The following MRC2 variants were observed in gnomAD, a reference collection of about 807,000 sequenced individuals.
MRC2 encodes C-type mannose receptor 2.
In MRC2, 84 loss-of-function variants were observed where a neutral mutation model predicts 206.2. The ratio of observed to expected loss-of-function variants is 0.41; its 90% CI spans 0.34 to 0.49. The LOEUF (loss-of-function observed/expected upper bound fraction) is 0.49, where lower values mean the gene tolerates loss of function less well. Ranked by LOEUF, MRC2 falls within the 20% of genes least tolerant of loss-of-function variation. The pLI is 0.31. For synonymous variants in MRC2, 798 were observed against 800.0 expected, an observed-to-expected ratio of 1.00 and a Z score of 0.04; for missense variants, 1,676 against 2,001.5, an observed-to-expected ratio of 0.84 and a Z score of 3.10.
chr17:62,689,313 T>G (rs892619587), intron 23 of MRC2: 4 of 579,266 alleles, frequency 6.9e-6, no homozygotes, highest in Non-Finnish European at 1.2e-5. Flanking sequence ...TAGGAGGAGG[T>G]CAAGGCCCTC....
In MRC2 at chr17:62,652,620, G is replaced by C. The variant is rs2088569147; in HGVS notation, c.119-11928G>C. ...GCTGCGGGCTAGCAGACGGCGCCAG[G>C]GGCAGCGGCCACGCAGACCGGGCAT... On this transcript the variant is annotated intron_variant, in intron 1 of 29. Coordinates refer to ENST00000303375, the MANE Select transcript of MRC2 (RefSeq NM_006039.5). The surrounding 1 kb of genome is among the most constrained non-coding windows in gnomAD (Gnocchi z 4.6). Among the ~76,000 whole-genome samples, 1 of 152,196 alleles carries C rather than the reference G, an allele frequency of 6.6e-6. No homozygotes were observed. Among genetic ancestry groups the C allele is most frequent in the Non-Finnish European group, 1.5e-5 (1 of 68,038 alleles).
rs566277077 is a variant in MRC2 at position 62,667,329 on chromosome 17, C to T, written c.974-61C>T. The T allele has an allele frequency of 5.3e-6, 8 of 1,520,376 alleles. No individual in the cohort carries two copies. The South Asian group carries it at 7.9e-5, about 15-fold the overall frequency. 94.2% of individuals were successfully genotyped at this position (1,520,376 alleles called of 1,614,324 possible). ...GGAGGTAGGAGGTTCTGAGCAGGGC[C>T]CCGGGAGCCACGGTGTGAGCTTCTC... On this transcript the variant is annotated intron_variant, in intron 5 of 29. Transcript: ENST00000303375. The surrounding 1 kb of genome is among the most constrained non-coding windows in gnomAD (Gnocchi z 4.1).
chr17:62,690,503 T>TGC, intron 26 of MRC2, 139 bp from the exon 27 acceptor site: 2 of 1,396,710 alleles, frequency 1.4e-6, no homozygotes, highest in Non-Finnish European at 1.9e-6. Context: ...CTTGCACATG[T>TGC]GCACACACAC....
chr17:62,677,478 T>C lies in MRC2; in HGVS notation c.2044T>C (p.Cys682Arg). The change falls in exon 12 of 30, where the codon TGC (cysteine) becomes CGC (arginine). Residue 682 changes from cysteine to arginine, a missense_variant. Around this residue, in one of 3 missense-constraint regions of MRC2, gnomAD observed 1,354 missense variants for 1,636.6 expected, o/e 0.83. Coordinates refer to ENST00000303375, the MANE Select transcript of MRC2 (RefSeq NM_006039.5). Reference sequence around the variant, plus strand: ...GGCCTCGGACACCAAACTCCGGTATTGCTATAAGGTAGGGCAGCCTGTTGG... The same window carrying C: ...GGCCTCGGACACCAAACTCCGGTATCGCTATAAGGTAGGGCAGCCTGTTGG... ...GWASDTKLRY[C>R]YKVFSSERLQ... 1 of 1,597,996 alleles carries C rather than the reference T, an allele frequency of 6.3e-7. No individual in the cohort carries two copies. Among genetic ancestry groups the C allele is most frequent in the Non-Finnish European group, 8.6e-7 (1 of 1,169,106 alleles).
At chr17:62,638,366 G>A (rs1161855282) in intron 1 of MRC2, among the ~76,000 whole-genome samples, 1 of 152,036 alleles carries the variant, frequency 6.6e-6, no homozygotes, top group Non-Finnish European at 1.5e-5. Flanking sequence ...TCCAGAAGTG[G>A]ATTTAAACTG....
chr17:62,668,527 T>C (rs2088786472), intron 6 of MRC2, among the ~76,000 whole-genome samples: 1 of 152,068 alleles, frequency 6.6e-6, no homozygotes, highest in South Asian at 2.1e-4. Flanking sequence ...TTGTTAGAAA[T>C]GCACAGTCAG....
At chr17:62,673,591 C>G (rs932950640) in intron 8 of MRC2, among the ~76,000 whole-genome samples, 1 of 151,134 alleles carries the variant, frequency 6.6e-6, no homozygotes, top group Non-Finnish European at 1.5e-5. Flanking sequence ...TCACTGGAAC[C>G]TCTGCCTCCC....
At chr17:62,645,519 ATATATATATTTTTTTTTTTT>A (rs1488879463) in intron 1 of MRC2, among the ~76,000 whole-genome samples, 1 of 66,124 alleles carries the variant, frequency 1.5e-5, no homozygotes, top group Non-Finnish European at 3.0e-5. Flanking sequence ...ATATATATAT[ATATATATATTTTTTTTTTTT>A]TTTTTTTTTT....
At position 62,675,685 on chromosome 17, in the gene MRC2, C is replaced by T. The variant is rs566603671; in HGVS notation, c.1570-105C>T. The T allele has an allele frequency of 1.8e-5, 16 of 881,030 alleles. No individual in the cohort carries two copies. The highest frequency in any genetic ancestry group is 2.2e-4 in the Middle Eastern group (1 of 4,518). 54.6% of individuals were successfully genotyped at this position (881,030 alleles called of 1,614,324 possible). A position where few individuals can be genotyped will look rare whatever the true frequency, so the allele number is the denominator to read the frequency against. On this transcript the variant is annotated intron_variant, in intron 9 of 29. Transcript: ENST00000303375. The surrounding 1 kb of genome is among the most constrained non-coding windows in gnomAD (Gnocchi z 4.1). ...AAACCAGTCCCCTCCGTCCTGAGCA[C>T]GTTCAGTGATGTCCCTGATGGCATC...
Position 62,627,682 on chromosome 17 carries a change from C to T in MRC2, c.-121C>T. Reference sequence around the variant, plus strand: ...CTCCCCGGGAGGCATCACTTCGTCCCGACCCGGAGGAGGACGCGAGCCCCT... The same window carrying T: ...CTCCCCGGGAGGCATCACTTCGTCCTGACCCGGAGGAGGACGCGAGCCCCT... On this transcript the variant is annotated 5_prime_UTR_variant, in exon 1 of 30. Transcript: ENST00000303375. The T allele has an allele frequency of 2.9e-6, 2 of 686,414 alleles. No homozygotes were observed. Among genetic ancestry groups the T allele is most frequent in the South Asian group, 3.9e-5 (1 of 25,874 alleles). The allele number at this position is 686,414 out of a possible 1,614,324, so 42.5% of individuals were successfully genotyped here.
rs116183785 is a variant in MRC2, at chr17:62,680,496, A to T, written c.2473+43A>T. 5.7e-5 allele frequency: 92 copies of T among 1,612,270 alleles called. No homozygotes were observed. The highest frequency in any genetic ancestry group is 7.3e-5 in the Non-Finnish European group (86 of 1,179,020). On this transcript the variant is annotated intron_variant, in intron 16 of 29. Coordinates refer to ENST00000303375, the MANE Select transcript of MRC2 (RefSeq NM_006039.5). This position sits in a 1 kb window ranked among gnomAD's most constrained non-coding sequence, Gnocchi z 4.8. ...CATCCCGCTACCCATCGCGTGGGAGAGGGCGTCAACTCTGGGGTAAGTCCC... is the reference window on the plus strand; with the variant it reads ...CATCCCGCTACCCATCGCGTGGGAGTGGGCGTCAACTCTGGGGTAAGTCCC...
rs761028330 is a variant in MRC2 at position 62,674,131 on chromosome 17, G to A, written c.1530G>A (p.Leu510=). ...CCATCTGCAAGAAGGCAGGCCAGCTGAGCCAGGGGGCCGCCGAGGAGGACC... is the reference window on the plus strand; with the variant it reads ...CCATCTGCAAGAAGGCAGGCCAGCTAAGCCAGGGGGCCGCCGAGGAGGACC... The part of the protein sequence containing the change: ...LPSICKKAGQ[L]SQGAAEEDHG... The change falls in exon 9 of 30, where the codon CTG becomes CTA. Residue 510 remains leucine (L), a synonymous_variant. Coordinates refer to ENST00000303375, the MANE Select transcript of MRC2 (RefSeq NM_006039.5). The A allele has an allele frequency of 6.4e-7, 1 of 1,555,288 alleles. No individual in the cohort carries two copies. The highest frequency in any genetic ancestry group is 1.2e-5 in the South Asian group (1 of 84,272).
chr17:62,689,643 G>A lies in MRC2; in HGVS notation c.3456G>A (p.Leu1152=). ...TGCGCTGGCACGATGCCCTCCTGCT[G>A]TGTGAGAGCCGCAATGCCAGCCTGG... ...KPLRWHDALL[L]CESRNASLAY... The change falls in exon 24 of 30, where the codon CTG becomes CTA. Residue 1152 remains leucine (L), a synonymous_variant. Transcript: ENST00000303375. 1 of 1,600,858 alleles carries A rather than the reference G, an allele frequency of 6.2e-7. No homozygotes were observed. Among genetic ancestry groups the A allele is most frequent in the Non-Finnish European group, 8.5e-7 (1 of 1,174,096 alleles).
Position 62,664,745 on chromosome 17 carries a change from T to A in MRC2, c.316T>A (p.Ser106Thr). The change falls in exon 2 of 30, where the codon TCC becomes ACC. Residue 106 changes from serine (S) to threonine (T), a missense_variant. Around this residue, in one of 3 missense-constraint regions of MRC2, gnomAD observed 318 missense variants for 346.7 expected, o/e 0.92. Transcript: ENST00000303375. This position sits in a 1 kb window ranked among gnomAD's most constrained non-coding sequence, Gnocchi z 4.7. ...CTGGCCAGGCACCAACACCACGGCC[T>A]CCCTGGGCATGTATGAGTGTGACCG... ...TGWPGTNTTA[S>T]LGMYECDREA... 6.2e-7 allele frequency: 1 copy of A among 1,613,966 alleles called. No homozygotes were observed. Among genetic ancestry groups the A allele is most frequent in the Non-Finnish European group, 8.5e-7 (1 of 1,179,988 alleles).
intron 6 of MRC2, among the ~76,000 whole-genome samples, chr17:62,670,403 C>T (rs2088813075): frequency 6.6e-6 from 1 of 152,248 alleles, no homozygotes; most frequent in Admixed American, 6.5e-5. Context: ...GCGAGCCCAC[C>T]GGGCTCTCAG....
In MRC2 at chr17:62,671,264, C is replaced by G. The variant is rs2088822551; in HGVS notation, c.1118-385C>G. The stretch of plus-strand genomic sequence containing the variant: ...TTTTTATTTTTTATAGAGATGGGGT[C>G]TCCCCTTTGTTGCCCAGTCTGTTCT... On this transcript the variant is annotated intron_variant, in intron 6 of 29. Transcript: ENST00000303375. The surrounding 1 kb of genome is among the most constrained non-coding windows in gnomAD (Gnocchi z 4.5). Among the ~76,000 whole-genome samples, 1 of 151,952 alleles carries G rather than the reference C, an allele frequency of 6.6e-6. No homozygotes were observed. Among genetic ancestry groups the G allele is most frequent in the Admixed American group, 6.6e-5 (1 of 15,262 alleles).
intron 2 of MRC2, among the ~76,000 whole-genome samples, chr17:62,665,267 G>A (rs1222383483): frequency 6.6e-6 from 1 of 151,934 alleles, no homozygotes; most frequent in East Asian, 1.9e-4. Context: ...AGGTGTGGTG[G>A]AGCATGCCCA....
Position 62,671,772 on chromosome 17 carries a change from G to A in MRC2, c.1241G>A (p.Gly414Asp), listed in dbSNP as rs765335195. Residue 414 changes from glycine (G) to aspartate (D), a missense_variant, in exon 7 of 30, where the codon GGT becomes GAT. Gly to Asp is a moderately conservative substitution (Grantham distance 94). This residue lies in a region of MRC2 where 1,354 missense variants were observed against 1,636.6 expected (regional missense o/e 0.83). Coordinates refer to ENST00000303375, the MANE Select transcript of MRC2 (RefSeq NM_006039.5). The surrounding 1 kb of genome is among the most constrained non-coding windows in gnomAD (Gnocchi z 4.5). Reference protein sequence around the residue: ...QESKKACLRGGGDLVSIHSMA... With the variant: ...QESKKACLRGDGDLVSIHSMA... ...TCCAAGAAGGCATGTCTACGGGGCG[G>A]TGGCGACCTGGTCAGCATCCACAGC... is the stretch of plus-strand genomic sequence containing the variant. 6.2e-6 allele frequency: 10 copies of A among 1,612,868 alleles called. No homozygotes were observed. Among genetic ancestry groups the A allele is most frequent in the South Asian group, 5.5e-5 (5 of 90,954 alleles).
At position 62,680,047 on chromosome 17, in the gene MRC2, G is replaced by A; in HGVS notation, c.2299-123G>A. 2 of 1,527,720 alleles carry A rather than the reference G, an allele frequency of 1.3e-6. No individual in the cohort carries two copies. The highest frequency in any genetic ancestry group is 1.8e-6 in the Non-Finnish European group (2 of 1,122,520). The allele number at this position is 1,527,720 out of a possible 1,614,324, so 94.6% of individuals were successfully genotyped here. ...GCTTCAGGAAAGCAGGTCCGAGAGG[G>A]GTCACCCGGCCCCCGGTGAGAATTC... On this transcript the variant is annotated intron_variant, in intron 14 of 29. Coordinates refer to ENST00000303375, the MANE Select transcript of MRC2 (RefSeq NM_006039.5). The surrounding 1 kb of genome is among the most constrained non-coding windows in gnomAD (Gnocchi z 4.8).
Sources: gnomAD v4.1 joint callset for allele counts (sites outside exome capture counted in the v4.1 genomes callset) on GRCh38, gnomAD v4.1.1 for gene constraint, gnomAD v4.1.1 regional missense constraint, Gnocchi (gnomAD v3.1) non-coding constraint, MANE v1.5 for transcripts, NCBI Gene and HGNC (gene_info 2026-07-23, HGNC 2026-07-21) for gene names.